The following SOX5 variants were observed in gnomAD, a reference collection of about 807,000 sequenced individuals.
SOX5 encodes transcription factor SOX-5.
Under a neutral mutation model 92.0 loss-of-function variants are expected in SOX5, and 9 were observed. That is an observed-to-expected ratio of 0.10 (90% CI 0.06 to 0.17). The LOEUF is 0.17. Ranked by LOEUF, SOX5 falls within the 10% of genes least tolerant of loss-of-function variation. SOX5 has a pLI of 1.00. For missense variants in SOX5, 642 were observed against 944.5 expected, an observed-to-expected ratio of 0.68 and a Z score of 4.20; for synonymous variants, 344 against 336.3, an observed-to-expected ratio of 1.02 and a Z score of -0.25.
intron 4 of SOX5, among the ~76,000 whole-genome samples, chr12:23,961,854 G>A (rs1946978693): frequency 6.6e-6 from 1 of 152,092 alleles, no homozygotes; most frequent in African/African-American, 2.4e-5. Flanking sequence ...CTCAAGATTA[G>A]AATATGCTCT....
At chr12:23,810,760 T>C (rs1158055815) in intron 3 of SOX5, among the ~76,000 whole-genome samples, 1 of 152,162 alleles carries the variant, frequency 6.6e-6, no homozygotes, top group African/African-American at 2.4e-5. Context: ...CCTTTTTTCC[T>C]TCCTTGTCCA....
intron 2 of SOX5, among the ~76,000 whole-genome samples, chr12:23,884,009 T>C (rs2097031110): frequency 6.6e-6 from 1 of 152,172 alleles, no homozygotes; most frequent in African/African-American, 2.4e-5. Context: ...TATAGGTTAC[T>C]TAAATTTATA....
At chr12:23,654,093 T>C (rs189678186) in intron 7 of SOX5, among the ~76,000 whole-genome samples, 102 of 152,226 alleles carry the variant, frequency 6.7e-4, no homozygotes, top group Middle Eastern at 3.4e-3. Flanking sequence ...TATTAGTTTT[T>C]TGTGCACGGT....
intron 2 of SOX5, among the ~76,000 whole-genome samples, chr12:24,309,823 C>T (rs1008202954): frequency 1.3e-5 from 2 of 152,118 alleles, no homozygotes; most frequent in Non-Finnish European, 2.9e-5. Flanking sequence ...ATTTCCTTTA[C>T]ACTAGGTTTA....
At chr12:24,487,183 G>A (rs1284155697) in intron 1 of SOX5, among the ~76,000 whole-genome samples, 1 of 152,068 alleles carries the variant, frequency 6.6e-6, no homozygotes, top group Non-Finnish European at 1.5e-5. Flanking sequence ...TTTGATCAAA[G>A]AAGTTAATAT....
At chr12:24,317,196 T>A (rs545611747) in intron 2 of SOX5, among the ~76,000 whole-genome samples, 1 of 152,330 alleles carries the variant, frequency 6.6e-6, no homozygotes, top group African/African-American at 2.4e-5. Flanking sequence ...AGTATTATTT[T>A]AAGAAAGCAA....
intron 5 of SOX5, among the ~76,000 whole-genome samples, chr12:23,740,008 G>C: frequency 6.6e-6 from 1 of 152,088 alleles, no homozygotes; most frequent in East Asian, 1.9e-4. Flanking sequence ...TTAGTACAGT[G>C]CCCGGCACAT....
chr12:23,951,003 ACT>A (rs1386752995), upstream of SOX5: 73 of 623,222 alleles, frequency 1.2e-4, no homozygotes, highest in Admixed American at 3.3e-4. Context: ...ACACACACAC[ACT>A]CACTCACGCA....
At chr12:23,836,871 A>G (rs1378903405) in intron 3 of SOX5, among the ~76,000 whole-genome samples, 1 of 151,516 alleles carries the variant, frequency 6.6e-6, no homozygotes, top group Non-Finnish European at 1.5e-5. Flanking sequence ...AGTTACATTC[A>G]CTCTATCTTT....
At chr12:24,463,729 C>G (rs182121682) in intron 1 of SOX5, among the ~76,000 whole-genome samples, 2 of 152,184 alleles carry the variant, frequency 1.3e-5, no homozygotes, top group Admixed American at 6.5e-5. Flanking sequence ...AAATTGATTT[C>G]TTCAATAAAC....
chr12:23,986,011 G>A (rs1950028020), intron 4 of SOX5, among the ~76,000 whole-genome samples: 1 of 152,048 alleles, frequency 6.6e-6, no homozygotes, highest in Non-Finnish European at 1.5e-5. Context: ...GGGGGCTTGT[G>A]ATTACATTGG....
intron 3 of SOX5, among the ~76,000 whole-genome samples, chr12:24,245,833 C>T (rs773637372): frequency 1.7e-4 from 26 of 151,898 alleles, no homozygotes; most frequent in Non-Finnish European, 1.8e-4. Flanking sequence ...ATGCAGAACT[C>T]AAATTTAATA....
intron 2 of SOX5, among the ~76,000 whole-genome samples, chr12:24,320,871 AAATAAT>A (rs931920621): frequency 3.1e-4 from 46 of 148,300 alleles, no homozygotes; most frequent in East Asian, 9.8e-4. Context: ...TCTCAAAAAA[AAATAAT>A]AATAATAATA....
In SOX5 at chr12:23,546,382, T is replaced by G; in HGVS notation, c.1531A>C (p.Lys511Gln). 1 of 1,610,220 alleles carries G rather than the reference T, an allele frequency of 6.2e-7. No homozygotes were observed. Among genetic ancestry groups the G allele is most frequent in the Non-Finnish European group, 8.5e-7 (1 of 1,176,670 alleles). Residue 511 changes from lysine to glutamine, a missense_variant, in exon 12 of 15, where the codon AAA becomes CAA. Physicochemically the swap from Lys to Gln is moderately conservative, Grantham distance 53. Around this residue, in one of 8 missense-constraint regions of SOX5, gnomAD observed 324 missense variants for 461.6 expected, o/e 0.70. Coordinates refer to ENST00000451604, the MANE Select transcript of SOX5 (RefSeq NM_006940.6). ...LESLTQQLAVKQNEEGKFSHA... is the reference protein window; with the variant it reads ...LESLTQQLAVQQNEEGKFSHA... ...CTAAATTTTCCTTCTTCATTCTGTTTAACTGCCAGTTGCTGAGTCAGACTC... is the reference window on the plus strand; with the variant it reads ...CTAAATTTTCCTTCTTCATTCTGTTGAACTGCCAGTTGCTGAGTCAGACTC...
At chr12:24,514,927 G>C (rs1209111261) in intron 1 of SOX5, among the ~76,000 whole-genome samples, 2 of 152,084 alleles carry the variant, frequency 1.3e-5, no homozygotes. Context: ...AGAGGATCAG[G>C]AAAAATAACT....
intron 10 of SOX5, among the ~76,000 whole-genome samples, chr12:23,570,482 T>G (rs1947972037): frequency 6.6e-6 from 1 of 152,060 alleles, no homozygotes; most frequent in South Asian, 2.1e-4. Flanking sequence ...TTGTATAAAT[T>G]TTGCTTATTA....
At chr12:23,675,885 T>C (rs1295663354) in intron 6 of SOX5, among the ~76,000 whole-genome samples, 2 of 152,184 alleles carry the variant, frequency 1.3e-5, no homozygotes, top group East Asian at 3.9e-4. Flanking sequence ...AAATGGCCAA[T>C]AGGTATGGTA....
chr12:23,820,017 C>A (rs1394660013), intron 3 of SOX5, among the ~76,000 whole-genome samples: 1 of 152,194 alleles, frequency 6.6e-6, no homozygotes, highest in Non-Finnish European at 1.5e-5. Flanking sequence ...CTGTCTTCCA[C>A]AATGGTTGCA....
chr12:23,869,972 A>G (rs2136729807), intron 2 of SOX5, among the ~76,000 whole-genome samples: 1 of 152,286 alleles, frequency 6.6e-6, no homozygotes, highest in East Asian at 1.9e-4. Context: ...GAAATCCAAT[A>G]TATTTTATAC....
Sources: allele counts gnomAD v4.1 joint callset (sites outside exome capture counted in the v4.1 genomes callset), GRCh38; gene constraint gnomAD v4.1.1; regional missense constraint gnomAD v4.1.1; transcripts MANE v1.5; gene names NCBI Gene and HGNC (gene_info 2026-07-23, HGNC 2026-07-21).